ANKRD12: variants seen among roughly 807,000 people sequenced by gnomAD.
ANKRD12 encodes ankyrin repeat domain-containing protein 12.
ANKRD12 carries 85 observed loss-of-function variants against 183.4 expected under a neutral mutation model. The observed-to-expected ratio is 0.46, with a 90% CI of 0.39 to 0.56. ANKRD12 has a LOEUF of 0.56. Among genes scored for constraint, ANKRD12 ranks in the 20% least tolerant of loss-of-function variants. The probability of loss-of-function intolerance (pLI) is 0.00; values close to 1 mark genes in which losing one functional copy is unlikely to be tolerated. For synonymous variants in ANKRD12, 914 were observed against 800.2 expected (o/e 1.14, Z -2.40); for missense variants, 2,405 against 2,357.1 (o/e 1.02, Z -0.42).
intron 1 of ANKRD12, chr18:9,137,752 C>T (rs1245347893): frequency 6.6e-6 from 1 of 152,274 alleles, no homozygotes; most frequent in Non-Finnish European, 1.5e-5. Flanking sequence ...TTTCAAGTAC[C>T]CACTTGTGAT....
chr18:9,267,595 C>T (rs145472610), intron 10 of ANKRD12, among the ~76,000 whole-genome samples: 2,061 of 151,958 alleles, frequency 0.014, 52 homozygotes, highest in African/African-American at 0.047. Context: ...CACAACATAC[C>T]AGAATCTCTG....
chr18:9,142,532 G>A (rs1005105506), intron 1 of ANKRD12, among the ~76,000 whole-genome samples: 1 of 152,118 alleles, frequency 6.6e-6, no homozygotes, highest in African/African-American at 2.4e-5. Flanking sequence ...CTGTTTACCC[G>A]TTCTGAAACA....
intron 11 of ANKRD12, among the ~76,000 whole-genome samples, chr18:9,278,537 G>A (rs2039960167): frequency 2.0e-5 from 3 of 152,182 alleles, no homozygotes; most frequent in Non-Finnish European, 2.9e-5. Flanking sequence ...GGTGGCTTAC[G>A]CCTGTATTCC....
chr18:9,175,521 C>CCCTTT (rs2033182407), intron 1 of ANKRD12, among the ~76,000 whole-genome samples: 1 of 47,548 alleles, frequency 2.1e-5, no homozygotes, highest in Non-Finnish European at 5.4e-5. Flanking sequence ...TCAAAGGCTC[C>CCCTTT]TCTTTTTTTT....
chr18:9,163,720 T>A (rs1282205472), intron 1 of ANKRD12, among the ~76,000 whole-genome samples: 1 of 152,186 alleles, frequency 6.6e-6, no homozygotes, highest in Non-Finnish European at 1.5e-5. Context: ...GACCAGTGAT[T>A]TGTACTTCTC....
intron 8 of ANKRD12, among the ~76,000 whole-genome samples, chr18:9,247,199 T>C (rs1238138095): frequency 2.0e-5 from 3 of 151,756 alleles, no homozygotes; most frequent in African/African-American, 7.3e-5. Flanking sequence ...TTAACTAATT[T>C]AAAATCTTTG....
At position 9,258,764 on chromosome 18, in the gene ANKRD12, G is replaced by A; in HGVS notation, c.5497G>A (p.Ala1833Thr). Residue 1833 changes from alanine (A) to threonine (T), a missense_variant, in exon 9 of 13, where the codon GCA becomes ACA. Physicochemically the swap from Ala to Thr is moderately conservative, Grantham distance 58. Around this residue, in one of 7 missense-constraint regions of ANKRD12, gnomAD observed 1,983 missense variants for 1,725.9 expected, o/e 1.15. Transcript: ENST00000262126. ...GATTCAGCCATACAGTTCAGAGAGA[G>A]CAAATCCATATTTTGAATACTTGCA... is the stretch of plus-strand genomic sequence containing the variant. Reference protein sequence around the residue: ...DEIQPYSSERANPYFEYLHIR... With the variant: ...DEIQPYSSERTNPYFEYLHIR... 6.2e-7 allele frequency: 1 copy of A among 1,613,836 alleles called. No homozygotes were observed. Among genetic ancestry groups the A allele is most frequent in the Non-Finnish European group, 8.5e-7 (1 of 1,179,878 alleles).
intron 2 of ANKRD12, among the ~76,000 whole-genome samples, chr18:9,189,478 G>T (rs1407190911): frequency 6.6e-6 from 1 of 152,218 alleles, no homozygotes; most frequent in Non-Finnish European, 1.5e-5. Flanking sequence ...AGATGAAATA[G>T]CCTTCTATTG....
intron 8 of ANKRD12, among the ~76,000 whole-genome samples, chr18:9,246,678 AT>A (rs2037981300): frequency 6.6e-6 from 1 of 152,306 alleles, no homozygotes; most frequent in South Asian, 2.1e-4. Flanking sequence ...GCTTTATTGA[AT>A]TTGGCAGTAT....
intron 8 of ANKRD12, among the ~76,000 whole-genome samples, chr18:9,248,016 G>C (rs1288894897): frequency 6.6e-6 from 1 of 152,164 alleles, no homozygotes; most frequent in Non-Finnish European, 1.5e-5. Flanking sequence ...CGGAACTTCT[G>C]ACCTCAGGTG....
rs1225109639 is a variant in ANKRD12 at position 9,204,476 on chromosome 18, A to G, written c.236A>G (p.Asp79Gly). 2.5e-6 allele frequency: 4 copies of G among 1,596,968 alleles called. No homozygotes were observed. In the African/African-American group the frequency reaches 5.4e-5, roughly 22 times the overall value. ...SRNEERDSDT[D>G]SDPGHTSENW... ...TCTCCTGTCTCTTCTCATTCTGTAG[A>G]TTCAGATCCAGGACATACAAGTGAA... is the stretch of plus-strand genomic sequence containing the variant. Residue 79 changes from aspartate to glycine, a missense_variant and splice_region_variant, in exon 4 of 13, where the codon GAT becomes GGT. By Grantham distance (94) the Asp-to-Gly change is moderately conservative. Around this residue, in one of 7 missense-constraint regions of ANKRD12, gnomAD observed 145 missense variants for 145.6 expected, o/e 1.00. Transcript: ENST00000262126.
intron 3 of ANKRD12, among the ~76,000 whole-genome samples, chr18:9,197,329 A>G (rs993305799): frequency 1.3e-5 from 2 of 152,330 alleles, no homozygotes; most frequent in African/African-American, 2.4e-5. Flanking sequence ...GCAGCTCTCT[A>G]TAAGACTGTT....
intron 1 of ANKRD12, among the ~76,000 whole-genome samples, chr18:9,160,158 C>G (rs1186590118): frequency 6.6e-6 from 1 of 152,132 alleles, no homozygotes; most frequent in Non-Finnish European, 1.5e-5. Flanking sequence ...GTGGTCCCAG[C>G]TACTTGGGAG....
In ANKRD12 at chr18:9,254,279, G is replaced by C. The variant is rs1319335623; in HGVS notation, c.1012G>C (p.Asp338His). Residue 338 changes from aspartate to histidine, a missense_variant, in exon 9 of 13, where the codon GAC becomes CAC. Asp to His is a moderately conservative substitution (Grantham distance 81). This residue lies in a region of ANKRD12 where 1,983 missense variants were observed against 1,725.9 expected (regional missense o/e 1.15). Coordinates refer to ENST00000262126, the MANE Select transcript of ANKRD12 (RefSeq NM_015208.5). The part of the protein sequence containing the change: ...DENIDSETEK[D>H]SLICESKQIL... ...AAATATTGACTCTGAAACAGAGAAAGACTCTCTCATCTGTGAAAGTAAACA... is the reference window on the plus strand; with the variant it reads ...AAATATTGACTCTGAAACAGAGAAACACTCTCTCATCTGTGAAAGTAAACA... The C allele has an allele frequency of 6.2e-7, 1 of 1,609,900 alleles. No homozygotes were observed. Among genetic ancestry groups the C allele is most frequent in the East Asian group, 2.2e-5 (1 of 44,652 alleles).
intron 10 of ANKRD12, among the ~76,000 whole-genome samples, chr18:9,267,431 A>T (rs1344970329): frequency 2.6e-5 from 4 of 152,220 alleles, no homozygotes; most frequent in Non-Finnish European, 5.9e-5. Context: ...CTCTCAGACC[A>T]CAGTGCAATT....
rs142296291 is a variant in ANKRD12, at chr18:9,159,492, C to T, written c.-52+22527C>T. ...TGTCGCCCAGGCTGGGGTGCAGTGGCGCAATCTCGGCTCACTGGAATCTCT... is the reference window on the plus strand; with the variant it reads ...TGTCGCCCAGGCTGGGGTGCAGTGGTGCAATCTCGGCTCACTGGAATCTCT... On this transcript the variant is annotated intron_variant, in intron 1 of 12. Transcript: ENST00000262126. 6.3e-3 allele frequency among the ~76,000 whole-genome samples: 964 copies of T among 152,040 alleles called. 10 individuals carry two copies. The highest frequency in any genetic ancestry group is 0.022 in the African/African-American group (904 of 41,468).
At chr18:9,152,958 T>A (rs72935260) in intron 1 of ANKRD12, among the ~76,000 whole-genome samples, 11,184 of 152,224 alleles carry the variant, frequency 0.073, 430 homozygotes, top group African/African-American at 0.082. Context: ...ATAAACTCAC[T>A]CTTACTCCCA....
chr18:9,200,453 C>T (rs2035097342), intron 3 of ANKRD12: 1 of 152,162 alleles, frequency 6.6e-6, no homozygotes, highest in Non-Finnish European at 1.5e-5. Context: ...ATTTCTTACA[C>T]CTACATCAGC....
intron 1 of ANKRD12, among the ~76,000 whole-genome samples, chr18:9,152,499 T>C (rs2078714796): frequency 6.6e-6 from 1 of 152,110 alleles, no homozygotes; most frequent in Admixed American, 6.5e-5. Flanking sequence ...TGTCTTTTTA[T>C]TTTCACCGTT....
Sources: allele counts gnomAD v4.1 joint callset (sites outside exome capture counted in the v4.1 genomes callset), GRCh38; gene constraint gnomAD v4.1.1; regional missense constraint gnomAD v4.1.1; transcripts MANE v1.5; gene names NCBI Gene and HGNC (gene_info 2026-07-23, HGNC 2026-07-21).